Variants in WWOX observed in about 807,000 individuals in gnomAD.
WWOX encodes the protein WW domain-containing oxidoreductase.
Under a neutral mutation model 46.2 loss-of-function variants are expected in WWOX, and 69 were observed. The ratio of observed to expected loss-of-function variants is 1.49; its 90% CI spans 1.23 to 1.82. The LOEUF is 1.82. WWOX is among the 40% of genes most tolerant of loss of function. The pLI, the probability that WWOX is intolerant of heterozygous loss-of-function variation, is 0.00. For synonymous variants in WWOX, 359 were observed against 202.6 expected (o/e 1.77, Z -6.56); for missense variants, 919 against 542.6 (o/e 1.69, Z -6.89).
intron 5 of WWOX, among the ~76,000 whole-genome samples, chr16:78,334,494 C>G (rs953853916): frequency 6.6e-6 from 1 of 152,096 alleles, no homozygotes; most frequent in African/African-American, 2.4e-5. Flanking sequence ...AATTCATAGC[C>G]TAATGGCAAA....
chr16:78,491,407 C>G (rs141168816), intron 8 of WWOX, among the ~76,000 whole-genome samples: 1 of 152,278 alleles, frequency 6.6e-6, no homozygotes, highest in Admixed American at 6.5e-5. Flanking sequence ...GAATTTAATT[C>G]TCTCCCTTTC....
At chr16:79,113,202 C>T (rs958085081) in intron 8 of WWOX, among the ~76,000 whole-genome samples, 4 of 152,110 alleles carry the variant, frequency 2.6e-5, no homozygotes, top group Admixed American at 6.5e-5. Flanking sequence ...AGGGCAGAGG[C>T]ATTTTCCCAG....
rs111495892 is a variant in WWOX, at chr16:78,984,338, A to G, written c.1057-227270A>G. Among the ~76,000 whole-genome samples the G allele has an allele frequency of 7.4e-3, 1,133 of 152,306 alleles. 21 individuals are homozygous for G. The highest frequency in any genetic ancestry group is 0.026 in the African/African-American group (1,076 of 41,570). The stretch of plus-strand genomic sequence containing the variant: ...CCCCACCTCCAAGAAAGCACTCTCT[A>G]GGTCAAGAATCAGCAAATGTTTTCT... On this transcript the variant is annotated intron_variant, in intron 8 of 8. Transcript: ENST00000566780.
chr16:78,612,742 G>A (rs546307865), intron 8 of WWOX, among the ~76,000 whole-genome samples: 1 of 152,106 alleles, frequency 6.6e-6, no homozygotes, highest in Non-Finnish European at 1.5e-5. Flanking sequence ...CTCCCAAAGT[G>A]CTGGGATTAC....
At chr16:79,050,992 G>C (rs11647906) in intron 8 of WWOX, among the ~76,000 whole-genome samples, 69,871 of 152,146 alleles carry the variant, frequency 0.46, 18,383 homozygotes, top group African/African-American at 0.73. Context: ...ACAAGACACT[G>C]ACCCAAATCA....
At chr16:78,248,103 A>G (rs1197914125) in intron 5 of WWOX, among the ~76,000 whole-genome samples, 3 of 152,168 alleles carry the variant, frequency 2.0e-5, no homozygotes, top group Admixed American at 6.5e-5. Flanking sequence ...TGCTATAAAG[A>G]AATACCTGAG....
intron 8 of WWOX, among the ~76,000 whole-genome samples, chr16:79,070,597 A>T (rs1038061316): frequency 6.6e-6 from 1 of 152,176 alleles, no homozygotes; most frequent in East Asian, 1.9e-4. Context: ...GGACTGGTGC[A>T]GCAGGTAGGC....
intron 8 of WWOX, among the ~76,000 whole-genome samples, chr16:78,955,528 C>T (rs2046147828): frequency 1.3e-5 from 2 of 152,174 alleles, no homozygotes; most frequent in Admixed American, 1.3e-4. Context: ...CACCAGGCTG[C>T]AGGGATAATA....
chr16:78,630,201 G>A (rs569753801), intron 8 of WWOX, among the ~76,000 whole-genome samples: 1 of 152,312 alleles, frequency 6.6e-6, no homozygotes, highest in South Asian at 2.1e-4. Context: ...TCATCTGGCT[G>A]TAAGTTTCAC....
intron 8 of WWOX, chr16:78,552,957 G>A (rs577877337): frequency 6.6e-6 from 1 of 152,346 alleles, no homozygotes; most frequent in East Asian, 1.9e-4. Context: ...GCAGGAGGCA[G>A]AGGGAGAGGG....
At chr16:78,749,278 G>A (rs919395733) in intron 8 of WWOX, among the ~76,000 whole-genome samples, 1 of 152,042 alleles carries the variant, frequency 6.6e-6, no homozygotes, top group African/African-American at 2.4e-5. Context: ...AACAGAGCTC[G>A]AGAGAAGTTC....
chr16:78,505,689 G>A (rs1198767948), intron 8 of WWOX, among the ~76,000 whole-genome samples: 5 of 151,270 alleles, frequency 3.3e-5, no homozygotes, highest in Non-Finnish European at 7.3e-5. Flanking sequence ...TCCCAGTCCT[G>A]GCCATGCCTC....
chr16:78,443,937 G>A (rs188355571), intron 8 of WWOX, among the ~76,000 whole-genome samples: 95 of 152,310 alleles, frequency 6.2e-4, no homozygotes, highest in Non-Finnish European at 9.8e-4. Context: ...CCGAGGCCAA[G>A]AGTTTGTATT....
intron 5 of WWOX, among the ~76,000 whole-genome samples, chr16:78,244,522 A>G (rs751501599): frequency 6.6e-6 from 1 of 152,152 alleles, no homozygotes; most frequent in African/African-American, 2.4e-5. Flanking sequence ...CATCTCCCCA[A>G]GATTTTTATG....
At chr16:78,331,995 G>C (rs1408786827) in intron 5 of WWOX, among the ~76,000 whole-genome samples, 1 of 152,176 alleles carries the variant, frequency 6.6e-6, no homozygotes, top group Non-Finnish European at 1.5e-5. Flanking sequence ...CAGTACATCA[G>C]AGCCGAGGAA....
chr16:78,204,115 C>G (rs2036317828), intron 5 of WWOX, among the ~76,000 whole-genome samples: 3 of 152,336 alleles, frequency 2.0e-5, no homozygotes, highest in African/African-American at 7.2e-5. Context: ...TTTGTACTAC[C>G]TGTAGCAAGA....
At chr16:78,316,609 C>T (rs1272940458) in intron 5 of WWOX, among the ~76,000 whole-genome samples, 1 of 152,132 alleles carries the variant, frequency 6.6e-6, no homozygotes, top group Non-Finnish European at 1.5e-5. Context: ...TCCCAAAGTG[C>T]TGGGATTATA....
intron 5 of WWOX, among the ~76,000 whole-genome samples, chr16:78,291,784 C>G (rs1160137639): frequency 6.6e-6 from 1 of 152,110 alleles, no homozygotes; most frequent in Non-Finnish European, 1.5e-5. Flanking sequence ...CACCAGGGAG[C>G]AGGGAAAGTC....
chr16:78,782,638 C>G (rs2050358352), intron 8 of WWOX, among the ~76,000 whole-genome samples: 1 of 148,768 alleles, frequency 6.7e-6, no homozygotes, highest in Admixed American at 6.7e-5. Context: ...TTTTACCTTT[C>G]TTTCTTTCCG....
Sources: allele counts gnomAD v4.1 joint callset (sites outside exome capture counted in the v4.1 genomes callset), GRCh38; gene constraint gnomAD v4.1.1; transcripts MANE v1.5; gene names NCBI Gene and HGNC (gene_info 2026-07-23, HGNC 2026-07-21).